The following NEBL variants were observed in gnomAD, a reference collection of about 807,000 sequenced individuals.
NEBL encodes nebulette.
In NEBL, 122 loss-of-function variants were observed where a neutral mutation model predicts 140.2. That is an observed-to-expected ratio of 0.87 (90% CI 0.75 to 1.01). The LOEUF is 1.01. NEBL is among the 50% of genes least tolerant of loss of function. NEBL has a pLI of 0.00. For missense variants in NEBL, 1,365 were observed against 1,231.3 expected (o/e 1.11, Z -1.62); for synonymous variants, 436 against 398.9 (o/e 1.09, Z -1.11).
chr10:20,967,557 G>A (rs558807909), intron 3 of NEBL, among the ~76,000 whole-genome samples: 1 of 152,256 alleles, frequency 6.6e-6, no homozygotes, highest in Admixed American at 6.5e-5. Flanking sequence ...GAACCTGGGA[G>A]GCGGAGGTTG....
chr10:21,081,022 T>C (rs563396968), intron 2 of NEBL, among the ~76,000 whole-genome samples: 2 of 152,180 alleles, frequency 1.3e-5, no homozygotes, highest in African/African-American at 4.8e-5. Context: ...GCCTAGCTAA[T>C]TTTTGTATTT....
chr10:20,971,465 C>T (rs1330493578), intron 3 of NEBL, among the ~76,000 whole-genome samples: 33 of 147,510 alleles, frequency 2.2e-4, no homozygotes, highest in African/African-American at 6.5e-4. Flanking sequence ...TTTTATTATA[C>T]TTTAAGTTTT....
At position 21,261,646 on chromosome 10, in the gene NEBL, C is replaced by CA. The variant is rs879365999; in HGVS notation, n.183-9819dup. ...CAGGTAACAGAGTGAGACCCTGTCT[C>CA]AAAAAAAAAAAGAAAGAAAGAAAGA... On this transcript the variant is annotated intron_variant and non_coding_transcript_variant, in intron 1 of 8. Transcript: ENST00000675702. Among the ~76,000 whole-genome samples, 861 of 129,578 alleles carry CA rather than the reference C, an allele frequency of 6.6e-3. 9 individuals are homozygous for CA. Among genetic ancestry groups the CA allele is most frequent in the African/African-American group, 0.022 (780 of 34,968 alleles). 85.0% of individuals were successfully genotyped at this position (129,578 alleles called of 152,430 possible). A position where few individuals can be genotyped will look rare whatever the true frequency, so the allele number is the denominator to read the frequency against.
intron 2 of NEBL, among the ~76,000 whole-genome samples, chr10:21,122,890 T>C (rs1254960178): frequency 6.6e-6 from 1 of 152,178 alleles, no homozygotes; most frequent in Admixed American, 6.5e-5. Context: ...TTCCTAGTTT[T>C]CCTCCAGTGA....
At chr10:21,161,496 G>T (rs920480891) in intron 2 of NEBL, among the ~76,000 whole-genome samples, 2 of 152,114 alleles carry the variant, frequency 1.3e-5, no homozygotes, top group African/African-American at 4.8e-5. Flanking sequence ...ACGTGTGCTT[G>T]TAGACAAAGG....
chr10:21,012,157 C>A lies in NEBL; in HGVS notation c.249+7960G>T, dbSNP rs369842131. Among the ~76,000 whole-genome samples, 8 of 152,146 alleles carry A rather than the reference C, an allele frequency of 5.3e-5. No individual in the cohort carries two copies. The South Asian group carries it at 8.3e-4, about 16-fold the overall frequency. Reference sequence around the variant, plus strand: ...GTTTCAGTCTCCGATTTTCTGCTTGCTTCGTACAATCTACCATGGCCAGAA... The same window carrying A: ...GTTTCAGTCTCCGATTTTCTGCTTGATTCGTACAATCTACCATGGCCAGAA... On this transcript the variant is annotated intron_variant, in intron 3 of 6. Coordinates refer to the NEBL transcript ENST00000417816.
At position 21,047,537 on chromosome 10, in the gene NEBL, T is replaced by A. The variant is rs539260336; in HGVS notation, c.165-27336A>T. Among the ~76,000 whole-genome samples the A allele has an allele frequency of 8.5e-3, 1,255 of 147,146 alleles. 18 individuals are homozygous for A. The highest frequency in any genetic ancestry group is 0.026 in the African/African-American group (1,058 of 40,156). On this transcript the variant is annotated intron_variant, in intron 2 of 6. Coordinates refer to the NEBL transcript ENST00000417816. ...AAACTGCCCCAAATGAAGCTTTTTT[T>A]AAAAAAAAAAAGATTTTTTTTAACA...
chr10:21,239,889 A>G (rs1006359859), intron 3 of NEBL, among the ~76,000 whole-genome samples: 6 of 151,830 alleles, frequency 4.0e-5, no homozygotes, highest in Non-Finnish European at 8.8e-5. Flanking sequence ...CGTGGCGGTC[A>G]CCTGTAGTCC....
rs1253653065 is a variant in NEBL at position 21,173,961 on chromosome 10, G to A, written c.-128C>T. On this transcript the variant is annotated 5_prime_UTR_variant, in exon 1 of 7. Coordinates refer to the NEBL transcript ENST00000417816. This position sits in a 1 kb window ranked among gnomAD's most constrained non-coding sequence, Gnocchi z 5.7. Reference sequence around the variant, plus strand: ...GCTGCGGGCGGCGGGCGCCGGGTAGGGAGTCGGCGCCGGGCCACGGGTGAG... The same window carrying A: ...GCTGCGGGCGGCGGGCGCCGGGTAGAGAGTCGGCGCCGGGCCACGGGTGAG... The A allele has an allele frequency of 1.5e-6, 2 of 1,366,856 alleles. No homozygotes were observed. Among genetic ancestry groups the A allele is most frequent in the Non-Finnish European group, 1.9e-6 (2 of 1,070,608 alleles). 84.7% of individuals were successfully genotyped at this position (1,366,856 alleles called of 1,614,324 possible).
chr10:20,799,808 T>C (rs556233443), intron 26 of NEBL, among the ~76,000 whole-genome samples: 20 of 152,298 alleles, frequency 1.3e-4, no homozygotes, highest in African/African-American at 3.8e-4. Context: ...GTGTATTTTC[T>C]TCTTCTTAAA....
intron 10 of NEBL, 74 bp downstream of exon 10, chr10:20,852,471 C>A (rs1207928471): frequency 1.1e-6 from 1 of 914,104 alleles, no homozygotes; most frequent in Non-Finnish European, 1.8e-6. Context: ...AGACGCACGG[C>A]AGTGAGCGGC....
chr10:21,207,948 G>A (rs116816816), intron 3 of NEBL, among the ~76,000 whole-genome samples: 1,796 of 152,240 alleles, frequency 0.012, 30 homozygotes, highest in African/African-American at 0.04. Flanking sequence ...AGAATCCAGC[G>A]TCTCAGTGGT....
At chr10:21,202,713 G>A (rs1190933901) in intron 3 of NEBL, among the ~76,000 whole-genome samples, 5 of 151,530 alleles carry the variant, frequency 3.3e-5, no homozygotes, top group Admixed American at 2.6e-4. Context: ...CGCCCGTCTC[G>A]GCCTCCCAAA....
intron 2 of NEBL, among the ~76,000 whole-genome samples, chr10:21,125,339 T>C (rs1442452846): frequency 6.6e-6 from 1 of 152,146 alleles, no homozygotes; most frequent in Non-Finnish European, 1.5e-5. Flanking sequence ...AGCTCCTTTT[T>C]ACATCATAAG....
chr10:20,795,242 G>C (rs1836396572), intron 26 of NEBL, among the ~76,000 whole-genome samples: 1 of 152,052 alleles, frequency 6.6e-6, no homozygotes, highest in Non-Finnish European at 1.5e-5. Flanking sequence ...TGAGAAAGAG[G>C]GAAAGGTAAA....
At chr10:20,797,026 G>A (rs963453149) in intron 26 of NEBL, among the ~76,000 whole-genome samples, 2 of 152,162 alleles carry the variant, frequency 1.3e-5, no homozygotes, top group African/African-American at 4.8e-5. Flanking sequence ...TTCGATAAGG[G>A]GAAAGCAATT....
chr10:20,875,546 A>G (rs1206382527), intron 5 of NEBL, among the ~76,000 whole-genome samples: 1 of 152,204 alleles, frequency 6.6e-6, no homozygotes. Flanking sequence ...CCTTCCAGCA[A>G]GCTTTTTATA....
intron 11 of NEBL, among the ~76,000 whole-genome samples, chr10:20,846,605 T>C (rs1841971808): frequency 6.6e-6 from 1 of 152,146 alleles, no homozygotes; most frequent in Non-Finnish European, 1.5e-5. Flanking sequence ...AAACAACGAC[T>C]AGAAACTTTC....
chr10:21,059,666 T>C (rs1416953842), intron 2 of NEBL, among the ~76,000 whole-genome samples: 1 of 152,234 alleles, frequency 6.6e-6, no homozygotes, highest in African/African-American at 2.4e-5. Flanking sequence ...AAAACTCAGG[T>C]TATTTACTGC....
Sources: allele counts gnomAD v4.1 joint callset (sites outside exome capture counted in the v4.1 genomes callset), GRCh38; gene constraint gnomAD v4.1.1; non-coding constraint Gnocchi (gnomAD v3.1); transcripts MANE v1.5; gene names NCBI Gene and HGNC (gene_info 2026-07-23, HGNC 2026-07-21).